ENTHD1: variants seen among roughly 807,000 people sequenced by gnomAD.
ENTHD1 encodes ENTH domain-containing protein 1.
Under a neutral mutation model 39.1 loss-of-function variants are expected in ENTHD1, and 23 were observed. The ratio of observed to expected loss-of-function variants is 0.59; its 90% confidence interval spans 0.42 to 0.83. The LOEUF (loss-of-function observed/expected upper bound fraction) is 0.83. Ranked by LOEUF, ENTHD1 falls within the 40% of genes least tolerant of loss-of-function variation. The pLI is 0.00. For missense variants in ENTHD1, 624 were observed against 705.4 expected, an observed-to-expected ratio of 0.88 and a Z score of 1.31; for synonymous variants, 230 against 258.2, an observed-to-expected ratio of 0.89 and a Z score of 1.05.
chr22:39,780,957 C>T (rs1042306102), intron 5 of ENTHD1, among the ~76,000 whole-genome samples: 1 of 151,700 alleles, frequency 6.6e-6, no homozygotes, highest in Non-Finnish European at 1.5e-5. Flanking sequence ...CGAGATTGCG[C>T]CACTGCACTC....
At chr22:39,770,115 G>T (rs2065310411) in intron 5 of ENTHD1, among the ~76,000 whole-genome samples, 2 of 152,150 alleles carry the variant, frequency 1.3e-5, no homozygotes, top group Admixed American at 1.3e-4. Context: ...AGTAGGCAAT[G>T]GATGGGCTGT....
At chr22:39,853,318 G>A (rs1156284282) in intron 3 of ENTHD1, among the ~76,000 whole-genome samples, 1 of 152,018 alleles carries the variant, frequency 6.6e-6, no homozygotes, top group Non-Finnish European at 1.5e-5. Flanking sequence ...AGATCACAAG[G>A]TCAGGAGTTC....
At chr22:39,819,723 A>G (rs79476137) in intron 5 of ENTHD1, among the ~76,000 whole-genome samples, 11,326 of 152,232 alleles carry the variant, frequency 0.074, 466 homozygotes, top group South Asian at 0.12. Flanking sequence ...GGGAAGCCCA[A>G]TATAAACCAT....
intron 5 of ENTHD1, among the ~76,000 whole-genome samples, chr22:39,815,542 T>C (rs936078860): frequency 6.6e-6 from 1 of 152,078 alleles, no homozygotes; most frequent in African/African-American, 2.4e-5. Context: ...ATGCAGCAAC[T>C]GCAACTAGAA....
intron 3 of ENTHD1, among the ~76,000 whole-genome samples, chr22:39,846,423 C>G (rs1339031255): frequency 6.6e-6 from 1 of 152,000 alleles, no homozygotes. Flanking sequence ...AAATTTTCTC[C>G]CATTTTGTAG....
intron 3 of ENTHD1, among the ~76,000 whole-genome samples, chr22:39,843,195 G>A (rs1430159895): frequency 2.0e-5 from 3 of 152,128 alleles, no homozygotes; most frequent in Admixed American, 6.5e-5. Flanking sequence ...CAATAGTAAA[G>A]ACTTGGAACC....
At chr22:39,877,681 T>C (rs1442925289) in intron 2 of ENTHD1, among the ~76,000 whole-genome samples, 2 of 152,192 alleles carry the variant, frequency 1.3e-5, no homozygotes, top group African/African-American at 4.8e-5. Context: ...CCCTGGTGCT[T>C]CTAGCAGGGG....
At chr22:39,892,227 T>C (rs1387223103) in intron 1 of ENTHD1, among the ~76,000 whole-genome samples, 1 of 152,190 alleles carries the variant, frequency 6.6e-6, no homozygotes, top group East Asian at 1.9e-4. Context: ...AAAAGGTCTT[T>C]TAGTGTTATT....
intron 5 of ENTHD1, among the ~76,000 whole-genome samples, chr22:39,783,042 C>G (rs540457720): frequency 6.6e-6 from 1 of 152,060 alleles, no homozygotes; most frequent in Admixed American, 6.6e-5. Flanking sequence ...AAATATTCCA[C>G]AAAAAATTGT....
chr22:39,806,409 A>G (rs570301469), intron 5 of ENTHD1, among the ~76,000 whole-genome samples: 4 of 152,342 alleles, frequency 2.6e-5, no homozygotes, highest in African/African-American at 7.2e-5. Flanking sequence ...GAGGACTCCC[A>G]GTGTGCTGGC....
At chr22:39,844,702 C>T (rs939331852) in intron 3 of ENTHD1, among the ~76,000 whole-genome samples, 1 of 152,092 alleles carries the variant, frequency 6.6e-6, no homozygotes, top group African/African-American at 2.4e-5. Context: ...AAAAGCAATA[C>T]TGGTAAGATG....
At chr22:39,812,578 T>C (rs1223626398) in intron 5 of ENTHD1, among the ~76,000 whole-genome samples, 1 of 152,152 alleles carries the variant, frequency 6.6e-6, no homozygotes, top group Non-Finnish European at 1.5e-5. Flanking sequence ...TCCTAGTCAT[T>C]CCAGTGGTTC....
intron 3 of ENTHD1, among the ~76,000 whole-genome samples, chr22:39,842,640 A>G (rs2065953640): frequency 6.6e-6 from 1 of 152,110 alleles, no homozygotes; most frequent in African/African-American, 2.4e-5. Flanking sequence ...GCTTCTGTAC[A>G]GCAAAAGAAA....
rs184191233 is a variant in ENTHD1, at chr22:39,866,975, C to T, written c.350-4968G>A. Reference sequence around the variant, plus strand: ...TGGAATGCAGTGGCACGATCTCGGCCCACCGCCAGCTCTGCCTCCTGGGTT... The same window carrying T: ...TGGAATGCAGTGGCACGATCTCGGCTCACCGCCAGCTCTGCCTCCTGGGTT... On this transcript the variant is annotated intron_variant, in intron 2 of 6. Transcript: ENST00000325157. 5.5e-3 allele frequency among the ~76,000 whole-genome samples: 831 copies of T among 152,068 alleles called. 8 individuals are homozygous for T. The highest frequency in any genetic ancestry group is 0.02 in the Middle Eastern group (6 of 294).
At position 39,782,401 on chromosome 22, in the gene ENTHD1, A is replaced by T. The variant is rs140127365; in HGVS notation, c.833-16792T>A. On this transcript the variant is annotated intron_variant, in intron 5 of 6. Coordinates refer to ENST00000325157, the MANE Select transcript of ENTHD1 (RefSeq NM_152512.4). ...CCACCGTAAAAAAGAACTAATAGCA[A>T]CTCTACTCAAACTCTTAAAAAAAAA... is the stretch of plus-strand genomic sequence containing the variant. Among the ~76,000 whole-genome samples the T allele has an allele frequency of 2.2e-3, 331 of 152,112 alleles. 3 individuals carry two copies. Among genetic ancestry groups the T allele is most frequent in the African/African-American group, 7.5e-3 (313 of 41,502 alleles).
intron 3 of ENTHD1, among the ~76,000 whole-genome samples, chr22:39,841,322 C>T (rs1601632730): frequency 1.3e-5 from 2 of 152,236 alleles, no homozygotes; most frequent in South Asian, 4.1e-4. Context: ...CTCAGATTTG[C>T]ATGTGGGAGA....
intron 3 of ENTHD1, among the ~76,000 whole-genome samples, chr22:39,850,248 T>C (rs1313921507): frequency 6.6e-6 from 1 of 152,176 alleles, no homozygotes; most frequent in Non-Finnish European, 1.5e-5. Flanking sequence ...TACTTTGAAG[T>C]TATTTTACTG....
intron 2 of ENTHD1, among the ~76,000 whole-genome samples, chr22:39,881,993 A>G (rs1243794620): frequency 1.3e-5 from 2 of 152,238 alleles, no homozygotes; most frequent in Non-Finnish European, 2.9e-5. Flanking sequence ...CTCCAGATAT[A>G]GATTACTCGG....
chr22:39,851,532 G>T (rs1320334031), intron 3 of ENTHD1, among the ~76,000 whole-genome samples: 1 of 152,130 alleles, frequency 6.6e-6, no homozygotes, highest in Non-Finnish European at 1.5e-5. Flanking sequence ...ATTGGATTTT[G>T]AGCTCATTGC....
Sources: gnomAD v4.1 joint callset for allele counts (sites outside exome capture counted in the v4.1 genomes callset) on GRCh38, gnomAD v4.1.1 for gene constraint, MANE v1.5 for transcripts, NCBI Gene and HGNC (gene_info 2026-07-23, HGNC 2026-07-21) for gene names.